The following KIF20B variants were observed in gnomAD, a reference collection of about 807,000 sequenced individuals.
KIF20B encodes kinesin-like protein KIF20B.
KIF20B carries 188 observed loss-of-function variants against 232.5 expected under a neutral mutation model. The ratio of observed to expected loss-of-function variants is 0.81; its 90% confidence interval spans 0.72 to 0.91. The LOEUF (loss-of-function observed/expected upper bound fraction) is 0.91, where lower values mean the gene tolerates loss of function less well. Ranked by LOEUF, KIF20B falls within the 40% of genes least tolerant of loss-of-function variation. The pLI is 0.00. For synonymous variants in KIF20B, 712 were observed against 683.0 expected, an observed-to-expected ratio of 1.04 and a Z score of -0.66; for missense variants, 2,154 against 2,055.9, an observed-to-expected ratio of 1.05 and a Z score of -0.92.
intron 15 of KIF20B, among the ~76,000 whole-genome samples, chr10:89,725,904 GC>G (rs1195370072): frequency 1.3e-5 from 2 of 152,166 alleles, no homozygotes; most frequent in East Asian, 3.8e-4. Flanking sequence ...CTGCTGTCAA[GC>G]AAACCTTATG....
intron 19 of KIF20B, among the ~76,000 whole-genome samples, chr10:89,735,216 C>T (rs1841623176): frequency 6.6e-6 from 1 of 152,114 alleles, no homozygotes; most frequent in South Asian, 2.1e-4. Context: ...ATTATTATTG[C>T]AAAAATCACA....
chr10:89,723,966 A>G lies in KIF20B; in HGVS notation c.1725A>G (p.Lys575=), dbSNP rs1432997999. 1.3e-6 allele frequency: 2 copies of G among 1,527,622 alleles called. No individual in the cohort carries two copies. Among genetic ancestry groups the G allele is most frequent in the East Asian group, 4.6e-5 (2 of 43,358 alleles). 94.6% of individuals were successfully genotyped at this position (1,527,622 alleles called of 1,614,324 possible). A position where few individuals can be genotyped will look rare whatever the true frequency, so the allele number is the denominator to read the frequency against. The stretch of plus-strand genomic sequence containing the variant: ...ATTTTATCATTTACATGTAATAGAA[A>G]CTGTTGGACTTAATAGAAGACTTGA... ...KAFISHEEKR[K]LLDLIEDLKK... is the part of the protein sequence containing the mutation. Residue 575 remains lysine (K), a splice_region_variant and synonymous_variant, in exon 14 of 33, where the codon AAA becomes AAG. Coordinates refer to ENST00000371728, the MANE Select transcript of KIF20B (RefSeq NM_001284259.2).
At chr10:89,741,188 C>G (rs1386350575) in intron 21 of KIF20B, among the ~76,000 whole-genome samples, 2 of 152,314 alleles carry the variant, frequency 1.3e-5, no homozygotes, top group Middle Eastern at 3.4e-3. Flanking sequence ...GAATGCACAA[C>G]CTAGGTTCAT....
intron 26 of KIF20B, among the ~76,000 whole-genome samples, chr10:89,757,845 A>G (rs1443059646): frequency 6.8e-6 from 1 of 147,512 alleles, no homozygotes; most frequent in Admixed American, 6.7e-5. Flanking sequence ...TTTTTTTTTC[A>G]TTTGGTTATT....
At chr10:89,719,731 T>C (rs769444266) in intron 13 of KIF20B, 25 bp downstream of exon 13, 3 of 1,525,566 alleles carry the variant, frequency 2.0e-6, no homozygotes, top group Non-Finnish European at 1.8e-6. Context: ...CTCATACTTC[T>C]ATGCTTGTCT....
chr10:89,705,892 G>T (rs1490716594), intron 2 of KIF20B, among the ~76,000 whole-genome samples: 1 of 152,150 alleles, frequency 6.6e-6, no homozygotes, highest in African/African-American at 2.4e-5. Flanking sequence ...ATAGTTGTCT[G>T]TTGTGCAGAT....
intron 12 of KIF20B, 87 bp downstream of exon 12, chr10:89,718,959 C>T (rs1842992140): frequency 1.2e-6 from 1 of 816,934 alleles, no homozygotes. Context: ...TACTGTAAGC[C>T]TAGGAAATAA....
rs138800578 is a variant in KIF20B at position 89,715,143 on chromosome 10, C to T, written c.901C>T (p.Arg301Cys). Reference protein sequence around the residue: ...SSKFQKRKMLRLSQDVKGYSF... With the variant: ...SSKFQKRKMLCLSQDVKGYSF... ...TAAATTCCAAAAGAGAAAGATGCTG[C>T]GCCTTTCCCAAGACGTAAAGGGCTA... The change falls in exon 8 of 33, where the codon CGC becomes TGC. Residue 301 changes from arginine to cysteine, a missense_variant. Arg to Cys is a radical substitution (Grantham distance 180, BLOSUM62 -3). Transcript: ENST00000371728. 8.0e-5 allele frequency: 129 copies of T among 1,604,688 alleles called. 1 individual carries two copies. The East Asian group carries it at 2.1e-3, about 27-fold the overall frequency.
intron 5 of KIF20B, 150 bp downstream of exon 5, chr10:89,710,215 G>GTT (rs10672232): frequency 0.14 from 40,542 of 281,484 alleles, 2,886 homozygotes; most frequent in Admixed American, 0.18. Context: ...ACGTATTGCT[G>GTT]TTTTTTTTTT....
rs188928920 is a variant in KIF20B, at chr10:89,703,603, G to A, written c.-1-1691G>A. Among the ~76,000 whole-genome samples the A allele has an allele frequency of 9.5e-3, 1,441 of 152,214 alleles. 23 individuals are homozygous for A. The highest frequency in any genetic ancestry group is 0.032 in the African/African-American group (1,335 of 41,522). ...GTGGCTTGGGGGTCTTGATAATCCC[G>A]GGTTTTATGTGTCTGGCAAATGTTG... On this transcript the variant is annotated intron_variant, in intron 1 of 32. Coordinates refer to ENST00000371728, the MANE Select transcript of KIF20B (RefSeq NM_001284259.2).
intron 25 of KIF20B, among the ~76,000 whole-genome samples, chr10:89,753,999 C>G (rs1404579963): frequency 1.3e-5 from 2 of 151,854 alleles, no homozygotes; most frequent in Non-Finnish European, 2.9e-5. Context: ...TTAAATGCCT[C>G]TGAACCCAAA....
At chr10:89,745,559 A>AT (rs984526167) in intron 22 of KIF20B, among the ~76,000 whole-genome samples, 1 of 146,850 alleles carries the variant, frequency 6.8e-6, no homozygotes, top group Non-Finnish European at 1.5e-5. Flanking sequence ...AAATAAAGAC[A>AT]TATAAAGTGT....
At position 89,723,989 on chromosome 10, in the gene KIF20B, T is replaced by TG. The variant is rs1300036218; in HGVS notation, c.1749dup (p.Lys584GlufsTer7). ...AAACTGTTGGACTTAATAGAAGACT[T>TG]GAAAAAAAAACTGATAAATGAAAAA... On this transcript the variant is annotated frameshift_variant, in exon 14 of 33. Coordinates refer to ENST00000371728, the MANE Select transcript of KIF20B (RefSeq NM_001284259.2). LOFTEE classifies it high-confidence loss of function. 6.4e-7 allele frequency: 1 copy of TG among 1,568,238 alleles called. No individual in the cohort carries two copies. The highest frequency in any genetic ancestry group is 8.6e-7 in the Non-Finnish European group (1 of 1,162,364).
chr10:89,744,005 T>C, intron 22 of KIF20B, 78 bp downstream of exon 22: 1 of 1,239,310 alleles, frequency 8.1e-7, no homozygotes, highest in East Asian at 2.8e-5. Flanking sequence ...TACAAATTTG[T>C]TTTTAATAAC....
Position 89,711,035 on chromosome 10 carries a change from A to T in KIF20B, c.565A>T (p.Thr189Ser). 1 of 1,609,980 alleles carries T rather than the reference A, an allele frequency of 6.2e-7. No individual in the cohort carries two copies. Among genetic ancestry groups the T allele is most frequent in the Non-Finnish European group, 8.5e-7 (1 of 1,177,730 alleles). The change falls in exon 6 of 33, where the codon ACA becomes TCA. Residue 189 changes from threonine to serine, a missense_variant. Physicochemically the swap from Thr to Ser is moderately conservative, Grantham distance 58. Transcript: ENST00000371728. ...LFDSLQERLY[T>S]KMNLKPHRSR... is the part of the protein sequence containing the mutation. ...TGATAGTCTTCAAGAAAGACTGTAT[A>T]CAAAGATGAACCTTAAACCACATAG...
intron 29 of KIF20B, among the ~76,000 whole-genome samples, chr10:89,764,331 A>G (rs1348013198): frequency 1.3e-5 from 2 of 152,098 alleles, no homozygotes; most frequent in East Asian, 1.9e-4. Context: ...AGTCTTTGCT[A>G]TTGTGAATAG....
In KIF20B at chr10:89,768,902, T is replaced by A; in HGVS notation, c.5242+14T>A. Reference sequence around the variant, plus strand: ...TTCAATCAAAAGGTTTGCAGAAAATTAATTAAATGACCTTTTTTTGTTAGA... The same window carrying A: ...TTCAATCAAAAGGTTTGCAGAAAATAAATTAAATGACCTTTTTTTGTTAGA... On this transcript the variant is annotated intron_variant, in intron 31 of 32. Coordinates refer to ENST00000371728, the MANE Select transcript of KIF20B (RefSeq NM_001284259.2). 6.4e-7 allele frequency: 1 copy of A among 1,573,136 alleles called. No individual in the cohort carries two copies. Among genetic ancestry groups the A allele is most frequent in the South Asian group, 1.2e-5 (1 of 84,590 alleles).
intron 24 of KIF20B, among the ~76,000 whole-genome samples, chr10:89,752,364 T>A (rs559145240): frequency 1.5e-4 from 23 of 152,112 alleles, no homozygotes; most frequent in Admixed American, 5.2e-4. Context: ...ATTGGATTCC[T>A]GAGAAGTCCC....
rs143432523 is a variant in KIF20B, at chr10:89,705,361, G to A, written c.67G>A (p.Ala23Thr). The A allele has an allele frequency of 2.1e-4, 345 of 1,613,850 alleles. 5 individuals carry two copies. The South Asian group carries it at 2.2e-3, about 10-fold the overall frequency. ...TTATGTTTTTAGTGCTGACCCAATT[G>A]CAAGGCCTTCAGAAATAAATTTCGA... The part of the protein sequence containing the change: ...PSYVFSADPI[A>T]RPSEINFDGI... Residue 23 changes from alanine to threonine, a missense_variant, in exon 2 of 33, where the codon GCA becomes ACA. Ala to Thr is a moderately conservative substitution (Grantham distance 58). Transcript: ENST00000371728.
Sources: gnomAD v4.1 joint callset for allele counts (sites outside exome capture counted in the v4.1 genomes callset) on GRCh38, gnomAD v4.1.1 for gene constraint, MANE v1.5 for transcripts, NCBI Gene and HGNC (gene_info 2026-07-23, HGNC 2026-07-21) for gene names.